Variants in KIF26B observed in about 807,000 individuals in gnomAD.
The protein encoded by KIF26B is kinesin-like protein KIF26B.
KIF26B carries 63 observed loss-of-function variants against 151.2 expected under a neutral mutation model. The observed-to-expected ratio is 0.42, with a 90% CI of 0.34 to 0.51. The LOEUF is 0.51. Ranked by LOEUF, KIF26B falls within the 20% of genes least tolerant of loss-of-function variation. The pLI is 0.07. For missense variants in KIF26B, 2,813 were observed against 2,913.6 expected (o/e 0.97, Z 0.79); for synonymous variants, 1,357 against 1,262.1 (o/e 1.08, Z -1.59).
chr1:245,553,363 A>G (rs749621971), intron 5 of KIF26B, among the ~76,000 whole-genome samples: 1 of 152,158 alleles, frequency 6.6e-6, no homozygotes, highest in Non-Finnish European at 1.5e-5. Context: ...GAAGAGGTAC[A>G]GTAAGCAAAT....
rs757478775 is a variant in KIF26B, at chr1:245,686,370, T to G, written c.3387T>G (p.Val1129=). The G allele has an allele frequency of 8.7e-6, 14 of 1,613,210 alleles. No individual in the cohort carries two copies. The highest frequency in any genetic ancestry group is 1.2e-5 in the Non-Finnish European group (14 of 1,179,860). ...LLQPEVRTPP[V]GMSPQVLKKS... ...AGCCCGAGGTGCGTACGCCCCCGGT[T>G]GGAATGAGCCCCCAGGTTTTGAAAA... The change falls in exon 12 of 15, where the codon GTT becomes GTG. Residue 1129 remains valine, a synonymous_variant. Coordinates refer to ENST00000407071, the MANE Select transcript of KIF26B (RefSeq NM_018012.4). This position sits in a 1 kb window ranked among gnomAD's most constrained non-coding sequence, Gnocchi z 5.6.
At chr1:245,556,053 C>T (rs1419989072) in intron 5 of KIF26B, among the ~76,000 whole-genome samples, 6 of 152,130 alleles carry the variant, frequency 3.9e-5, no homozygotes, top group South Asian at 4.1e-4. Flanking sequence ...GATGCAGTCC[C>T]GAGATAGCGC....
At chr1:245,577,775 G>T (rs527971262) in intron 5 of KIF26B, among the ~76,000 whole-genome samples, 1 of 143,540 alleles carries the variant, frequency 7.0e-6, no homozygotes, top group Non-Finnish European at 1.5e-5. Context: ...GTGGAGCTCC[G>T]GGCGATGCAT....
chr1:245,602,649 G>T lies in KIF26B; in HGVS notation c.1423G>T (p.Asp475Tyr), dbSNP rs1206520562. The change falls in exon 6 of 15, where the codon GAC becomes TAC. Residue 475 changes from aspartate (D) to tyrosine (Y), a missense_variant. By Grantham distance (160) the Asp-to-Tyr change is radical. Transcript: ENST00000407071. This position sits in a 1 kb window ranked among gnomAD's most constrained non-coding sequence, Gnocchi z 4.5. ...TSESSSFLKV[D>Y]PRKKQITLYD... Reference sequence around the variant, plus strand: ...AGAATCCAGCTCTTTCTTAAAGGTGGACCCACGGAAGAAGCAGATCACCTT... The same window carrying T: ...AGAATCCAGCTCTTTCTTAAAGGTGTACCCACGGAAGAAGCAGATCACCTT... 6.2e-7 allele frequency: 1 copy of T among 1,613,924 alleles called. No homozygotes were observed. The highest frequency in any genetic ancestry group is 8.5e-7 in the Non-Finnish European group (1 of 1,179,906).
intron 9 of KIF26B, among the ~76,000 whole-genome samples, chr1:245,630,458 C>A (rs975831681): frequency 6.6e-6 from 1 of 152,158 alleles, no homozygotes; most frequent in African/African-American, 2.4e-5. Context: ...TGGAAGCCGT[C>A]ATCCTCAGCA....
chr1:245,560,881 C>T lies in KIF26B; in HGVS notation c.1350+19931C>T, dbSNP rs77311408. Among the ~76,000 whole-genome samples the T allele has an allele frequency of 0.057, 8,665 of 152,228 alleles. 367 individuals carry two copies. Among genetic ancestry groups the T allele is most frequent in the African/African-American group, 0.12 (4,793 of 41,540 alleles). ...GGAGAGAAAAGATTCTGGATTTGGG[C>T]GGTCTCACCTCCAAAATTGCAGCCC... is the stretch of plus-strand genomic sequence containing the variant. On this transcript the variant is annotated intron_variant, in intron 5 of 14. Transcript: ENST00000407071. The surrounding 1 kb of genome is among the most constrained non-coding windows in gnomAD (Gnocchi z 4.3).
intron 5 of KIF26B, among the ~76,000 whole-genome samples, chr1:245,590,469 G>T (rs2043276152): frequency 6.6e-6 from 1 of 152,184 alleles, no homozygotes; most frequent in Non-Finnish European, 1.5e-5. Flanking sequence ...CTTTCCAATG[G>T]ATATTTACCA....
rs544779645 is a variant in KIF26B at position 245,417,942 on chromosome 1, C to T, written c.1000-1637C>T. 1.1e-4 allele frequency among the ~76,000 whole-genome samples: 17 copies of T among 151,460 alleles called. No homozygotes were observed. In the East Asian group the frequency reaches 3.3e-3, roughly 29 times the overall value. ...GCAGAGTGGCTTGTTTCACATGTCA[C>T]GGTGTGTCAAAATCAGATGTATGTC... On this transcript the variant is annotated intron_variant, in intron 3 of 14. Transcript: ENST00000407071.
chr1:245,552,098 T>C (rs1661896054), intron 5 of KIF26B, among the ~76,000 whole-genome samples: 1 of 146,176 alleles, frequency 6.8e-6, no homozygotes, highest in Non-Finnish European at 1.5e-5. Context: ...TAGCCAGAGT[T>C]CTCCAGAGAA....
At chr1:245,586,621 C>T (rs918402093) in intron 5 of KIF26B, among the ~76,000 whole-genome samples, 3 of 152,086 alleles carry the variant, frequency 2.0e-5, no homozygotes, top group Non-Finnish European at 4.4e-5. Flanking sequence ...CGGTGGCTCA[C>T]GCCTGTAATC....
intron 9 of KIF26B, chr1:245,615,067 G>A (rs139522120): frequency 1.3e-4 from 20 of 152,410 alleles, no homozygotes; most frequent in African/African-American, 4.1e-4. Context: ...CTGACTGTGT[G>A]GGAGTTGGCC....
chr1:245,605,434 T>C (rs2043441399), intron 6 of KIF26B, among the ~76,000 whole-genome samples: 1 of 152,208 alleles, frequency 6.6e-6, no homozygotes, highest in Admixed American at 6.5e-5. Context: ...CCCGGGCAGT[T>C]AGAAATTGTG....
chr1:245,337,835 C>T (rs1216795688), intron 2 of KIF26B, among the ~76,000 whole-genome samples: 1 of 152,188 alleles, frequency 6.6e-6, no homozygotes, highest in Non-Finnish European at 1.5e-5. Flanking sequence ...GGTGACAAAG[C>T]TCATGCTTGT....
intron 4 of KIF26B, among the ~76,000 whole-genome samples, chr1:245,445,396 T>C (rs1332331317): frequency 6.6e-6 from 1 of 152,192 alleles, no homozygotes; most frequent in Non-Finnish European, 1.5e-5. Flanking sequence ...TTTAGAGATA[T>C]AGACTAAAAT....
intron 4 of KIF26B, among the ~76,000 whole-genome samples, chr1:245,427,804 G>A (rs546189684): frequency 7.0e-4 from 107 of 152,002 alleles, no homozygotes; most frequent in Admixed American, 1.2e-3. Context: ...GTATCCCCTC[G>A]TTCTCACATT....
At chr1:245,684,419 G>A (rs895284803) in intron 11 of KIF26B, 24 bp downstream of exon 11, 3 of 1,554,846 alleles carry the variant, frequency 1.9e-6, no homozygotes, top group South Asian at 1.2e-5. Context: ...GGGGTGGGGG[G>A]GTGGTGGATG....
intron 5 of KIF26B, among the ~76,000 whole-genome samples, chr1:245,566,817 C>T (rs2043014809): frequency 6.6e-6 from 1 of 152,142 alleles, no homozygotes; most frequent in Non-Finnish European, 1.5e-5. Flanking sequence ...ATCCCAGCTA[C>T]TCAGGAGGCT....
At chr1:245,156,737 G>T in intron 2 of KIF26B, 54 bp downstream of exon 2, 1 of 1,183,166 alleles carries the variant, frequency 8.5e-7, no homozygotes. Flanking sequence ...GGGCCGGGCC[G>T]CCACCCACAG....
intron 9 of KIF26B, among the ~76,000 whole-genome samples, chr1:245,632,089 G>C (rs1471576548): frequency 1.3e-5 from 2 of 151,714 alleles, no homozygotes. Flanking sequence ...GGCTCAGTTT[G>C]CTTTGGCTTT....
Sources: allele counts gnomAD v4.1 joint callset (sites outside exome capture counted in the v4.1 genomes callset), GRCh38; gene constraint gnomAD v4.1.1; non-coding constraint Gnocchi (gnomAD v3.1); transcripts MANE v1.5; gene names NCBI Gene and HGNC (gene_info 2026-07-23, HGNC 2026-07-21).